TRAM1: variants seen among roughly 807,000 people sequenced by gnomAD.
TRAM1 encodes translocating chain-associated membrane protein 1.
Under a neutral mutation model 48.7 loss-of-function variants are expected in TRAM1, and 17 were observed. The ratio of observed to expected loss-of-function variants is 0.35; its 90% confidence interval spans 0.24 to 0.52. TRAM1 has a LOEUF of 0.52. Among genes scored for constraint, TRAM1 ranks in the 20% least tolerant of loss-of-function variants. The pLI is 0.94. For synonymous variants in TRAM1, 182 were observed against 154.0 expected (o/e 1.18, Z -1.34); for missense variants, 351 against 441.5 (o/e 0.79, Z 1.84).
chr8:70,594,947 A>G (rs539781174), intron 5 of TRAM1, among the ~76,000 whole-genome samples: 1 of 152,326 alleles, frequency 6.6e-6, no homozygotes, highest in South Asian at 2.1e-4. Flanking sequence ...TTTCATCAAG[A>G]CAAGAAGGGG....
intron 6 of TRAM1, among the ~76,000 whole-genome samples, chr8:70,588,463 G>C (rs1817275638): frequency 6.6e-6 from 1 of 152,092 alleles, no homozygotes; most frequent in South Asian, 2.1e-4. Flanking sequence ...GGTGGCATGT[G>C]CCTGTAGTCC....
chr8:70,596,486 A>C (rs1817489355), intron 4 of TRAM1, among the ~76,000 whole-genome samples, 165 bp from the exon 5 acceptor site: 1 of 152,220 alleles, frequency 6.6e-6, no homozygotes, highest in Admixed American at 6.5e-5. Context: ...AGCCAATTTG[A>C]GTTGGTTACT....
intron 1 of TRAM1, among the ~76,000 whole-genome samples, chr8:70,604,757 CTTTCCTTTTGAATATA>C (rs1268735996): frequency 2.6e-5 from 4 of 152,178 alleles, no homozygotes; most frequent in East Asian, 1.9e-4. Flanking sequence ...TTTTGAATAT[CTTTCCTTTTGAATATA>C]TTTCCTTTTG....
chr8:70,604,239 C>CAAT (rs35940094), intron 1 of TRAM1, among the ~76,000 whole-genome samples: 139,594 of 152,162 alleles, frequency 0.92, 64,579 homozygotes, highest in African/African-American at 0.97. Context: ...GTCATAAATA[C>CAAT]AACATTTCTT....
At chr8:70,578,728 C>G (rs1391688451) in intron 10 of TRAM1, among the ~76,000 whole-genome samples, 1 of 152,232 alleles carries the variant, frequency 6.6e-6, no homozygotes, top group Non-Finnish European at 1.5e-5. Context: ...AAGGACAAAT[C>G]TGCCCAACAC....
intron 10 of TRAM1, among the ~76,000 whole-genome samples, chr8:70,576,085 A>G (rs2132021100): frequency 6.7e-6 from 1 of 150,040 alleles, no homozygotes; most frequent in East Asian, 1.9e-4. Flanking sequence ...AAAAAGAAAA[A>G]AAAAAAAAAA....
Position 70,583,563 on chromosome 8 carries a change from T to C in TRAM1, c.890+87A>G, listed in dbSNP as rs542747740. The C allele has an allele frequency of 1.6e-4, 244 of 1,514,172 alleles. 2 individuals are homozygous for C. In the South Asian group the frequency reaches 2.9e-3, roughly 18 times the overall value. The allele number at this position is 1,514,172 out of a possible 1,614,324, so 93.8% of individuals were successfully genotyped here. The stretch of plus-strand genomic sequence containing the variant: ...AGTATTTTCCCCAACCTCATATTCA[T>C]CCTTTTTTAGATGATTCAATGTAGA... On this transcript the variant is annotated intron_variant, in intron 9 of 10. Transcript: ENST00000262213.
intron 10 of TRAM1, among the ~76,000 whole-genome samples, chr8:70,581,480 G>A (rs1817072027): frequency 6.6e-6 from 1 of 152,156 alleles, no homozygotes; most frequent in African/African-American, 2.4e-5. Flanking sequence ...TTAACAAATG[G>A]CACAGGGACA....
At chr8:70,590,730 A>G (rs1817336357) in intron 6 of TRAM1, among the ~76,000 whole-genome samples, 3 of 152,354 alleles carry the variant, frequency 2.0e-5, no homozygotes, top group South Asian at 4.1e-4. Flanking sequence ...ACTAGGTTCT[A>G]TCTTCACAAC....
intron 8 of TRAM1, among the ~76,000 whole-genome samples, chr8:70,584,793 T>C (rs890384383): frequency 6.6e-6 from 1 of 152,034 alleles, no homozygotes; most frequent in Non-Finnish European, 1.5e-5. Flanking sequence ...TACAAACAAA[T>C]GGAAGAACAT....
At chr8:70,582,362 A>T (rs1255599164) in intron 10 of TRAM1, among the ~76,000 whole-genome samples, 1 of 150,940 alleles carries the variant, frequency 6.6e-6, no homozygotes, top group Non-Finnish European at 1.5e-5. Flanking sequence ...AGGCATGATC[A>T]TTGTGCACTG....
chr8:70,591,754 C>G (rs1295518959), intron 6 of TRAM1, among the ~76,000 whole-genome samples: 1 of 152,094 alleles, frequency 6.6e-6, no homozygotes, highest in African/African-American at 2.4e-5. Context: ...TTACAAAGCT[C>G]TGCATTATAG....
chr8:70,608,228 G>C lies in TRAM1; in HGVS notation c.-29C>G. ...GGGGCCGCCGCCCGCGCCTGCAGGT[G>C]CTCCGCCCCGGTTCTGCTCTTCCCA... On this transcript the variant is annotated 5_prime_UTR_variant, in exon 1 of 11. Coordinates refer to ENST00000262213, the MANE Select transcript of TRAM1 (RefSeq NM_014294.6). 1 of 1,572,424 alleles carries C rather than the reference G, an allele frequency of 6.4e-7. No individual in the cohort carries two copies.
intron 2 of TRAM1, 43 bp from the exon 3 acceptor site, chr8:70,598,298 G>A (rs1039655541): frequency 1.3e-6 from 2 of 1,549,198 alleles, no homozygotes; most frequent in Non-Finnish European, 1.7e-6. Flanking sequence ...ATATACACAA[G>A]GTTATAAAAA....
Position 70,603,303 on chromosome 8 carries a change from T to TACACACAC in TRAM1, c.124-3229_124-3222dup, listed in dbSNP as rs35864770. 4.1e-3 allele frequency among the ~76,000 whole-genome samples: 608 copies of TACACACAC among 150,054 alleles called. 3 individuals are homozygous for TACACACAC. Among genetic ancestry groups the TACACACAC allele is most frequent in the African/African-American group, 0.014 (562 of 40,766 alleles). Reference sequence around the variant, plus strand: ...ATATACACACTATATATATGTTTTATACACACACACACACACACACACACA... The same window carrying TACACACAC: ...ATATACACACTATATATATGTTTTATACACACACACACACACACACACACACACACACA... On this transcript the variant is annotated intron_variant, in intron 1 of 10. Transcript: ENST00000262213.
At chr8:70,577,018 CTT>C (rs1224887477) in intron 10 of TRAM1, among the ~76,000 whole-genome samples, 1 of 152,206 alleles carries the variant, frequency 6.6e-6, no homozygotes, top group East Asian at 1.9e-4. Flanking sequence ...GCTTTTCTCT[CTT>C]TCTTGTCATC....
Position 70,586,931 on chromosome 8 carries a change from C to T in TRAM1, c.710G>A (p.Arg237His), listed in dbSNP as rs1817234601. 3.1e-6 allele frequency: 5 copies of T among 1,613,466 alleles called. No individual in the cohort carries two copies. The highest frequency in any genetic ancestry group is 4.2e-6 in the Non-Finnish European group (5 of 1,179,808). ...YFVEFLFHIS[R>H]LFYFSNEKYQ... ...CTTTTCATTGCTAAAATAAAACAGG[C>T]GGGAAATGTGGAAAAGAAATTCAAC... is the stretch of plus-strand genomic sequence containing the variant. The change falls in exon 8 of 11, where the codon CGC (arginine) becomes CAC (histidine). Residue 237 changes from arginine (R) to histidine (H), a missense_variant. By Grantham distance (29) the Arg-to-His change is conservative. Coordinates refer to ENST00000262213, the MANE Select transcript of TRAM1 (RefSeq NM_014294.6).
At chr8:70,594,465 A>AT in intron 6 of TRAM1, 41 bp downstream of exon 6, 1 of 1,539,704 alleles carries the variant, frequency 6.5e-7, no homozygotes. Flanking sequence ...CAAAAAAAAA[A>AT]ATGACAAGAC....
intron 10 of TRAM1, among the ~76,000 whole-genome samples, chr8:70,579,506 C>G (rs1817029318): frequency 6.6e-6 from 1 of 152,030 alleles, no homozygotes; most frequent in Non-Finnish European, 1.5e-5. Context: ...AATGTATTCC[C>G]CCAGGGAGAC....
Sources: allele counts gnomAD v4.1 joint callset (sites outside exome capture counted in the v4.1 genomes callset), GRCh38; gene constraint gnomAD v4.1.1; transcripts MANE v1.5; gene names NCBI Gene and HGNC (gene_info 2026-07-23, HGNC 2026-07-21).